The following RNPEP variants were observed in gnomAD, a reference collection of about 807,000 sequenced individuals.
RNPEP encodes aminopeptidase B.
RNPEP carries 57 observed loss-of-function variants against 70.1 expected under a neutral mutation model. The ratio of observed to expected loss-of-function variants is 0.81; its 90% CI spans 0.66 to 1.01. RNPEP has a LOEUF of 1.01. Ranked by LOEUF, RNPEP falls within the 50% of genes least tolerant of loss-of-function variation. The pLI is 0.00. For missense variants in RNPEP, 787 were observed against 852.4 expected, an observed-to-expected ratio of 0.92 and a Z score of 0.96; for synonymous variants, 335 against 357.4, an observed-to-expected ratio of 0.94 and a Z score of 0.71.
At position 202,005,615 on chromosome 1, in the gene RNPEP, G is replaced by A; in HGVS notation, c.1852G>A (p.Ala618Thr). 6.2e-7 allele frequency: 1 copy of A among 1,614,184 alleles called. No homozygotes were observed. The highest frequency in any genetic ancestry group is 1.1e-5 in the South Asian group (1 of 91,080). Residue 618 changes from alanine (A) to threonine (T), a missense_variant, in exon 11 of 11, where the codon GCC becomes ACC. Ala to Thr is a moderately conservative substitution (Grantham distance 58, BLOSUM62 0). Coordinates refer to ENST00000295640, the MANE Select transcript of RNPEP (RefSeq NM_020216.4). The stretch of plus-strand genomic sequence containing the variant: ...CGCAATGATGGGTGGCAGTGAGGTG[G>A]CCCAGACCCTCGCCAAGGAGACTTT... Reference protein sequence around the residue: ...YHAMMGGSEVAQTLAKETFAS... With the variant: ...YHAMMGGSEVTQTLAKETFAS...
intron 3 of RNPEP, among the ~76,000 whole-genome samples, chr1:201,990,871 A>C (rs533061048): frequency 6.6e-6 from 1 of 152,350 alleles, no homozygotes; most frequent in East Asian, 1.9e-4. Flanking sequence ...GTCGTTTCCA[A>C]GAATACCCTT....
At chr1:201,997,623 C>T in intron 5 of RNPEP, 69 bp downstream of exon 5, 5 of 1,218,456 alleles carry the variant, frequency 4.1e-6, no homozygotes, top group Non-Finnish European at 6.0e-6. Context: ...GTGTGATCTC[C>T]TTATGGGGTT....
intron 3 of RNPEP, 144 bp downstream of exon 3, chr1:201,989,675 GAGCAC>G: frequency 2.6e-6 from 2 of 769,384 alleles, no homozygotes; most frequent in Non-Finnish European, 4.2e-6. Context: ...CATGCAGCAT[GAGCAC>G]AGCTGGAGGA....
chr1:201,987,726 C>T (rs2102963200), intron 1 of RNPEP, among the ~76,000 whole-genome samples: 1 of 152,168 alleles, frequency 6.6e-6, no homozygotes, highest in South Asian at 2.1e-4. Context: ...GCGTGAGCCA[C>T]TGCACCCAAC....
intron 1 of RNPEP, chr1:201,983,627 T>A (rs4950807): frequency 0.59 from 719,811 of 1,215,002 alleles, 214,551 homozygotes; most frequent in Non-Finnish European, 0.6. Flanking sequence ...GTTAAAGCTC[T>A]TATCTTTGTT....
chr1:201,987,418 T>G (rs1421815724), intron 1 of RNPEP, among the ~76,000 whole-genome samples: 1 of 146,556 alleles, frequency 6.8e-6, no homozygotes, highest in Non-Finnish European at 1.5e-5. Flanking sequence ...GATAAATCAT[T>G]CAGATTTTAC....
chr1:201,990,861 G>A (rs1335239483), intron 3 of RNPEP, among the ~76,000 whole-genome samples: 1 of 152,170 alleles, frequency 6.6e-6, no homozygotes, highest in Non-Finnish European at 1.5e-5. Context: ...GTAAAGGAAC[G>A]TCGTTTCCAA....
Position 201,995,994 on chromosome 1 carries a change from T to C in RNPEP, c.738-153T>C, listed in dbSNP as rs180729673. The stretch of plus-strand genomic sequence containing the variant: ...GGTGTGGTGAGCGGTCTCTTGGATC[T>C]GTGTGGTGATCCGATCTTGCACTCC... On this transcript the variant is annotated intron_variant, in intron 3 of 10. Transcript: ENST00000295640. The C allele has an allele frequency of 8.1e-6, 5 of 619,508 alleles. No homozygotes were observed. The East Asian group carries it at 1.1e-4, about 14-fold the overall frequency. The allele number at this position is 619,508 out of a possible 1,614,324, so 38.4% of individuals were successfully genotyped here.
At chr1:202,004,882 A>G (rs1292458246) in intron 10 of RNPEP, among the ~76,000 whole-genome samples, 1 of 152,242 alleles carries the variant, frequency 6.6e-6, no homozygotes. Context: ...TGACTTGGGC[A>G]TGATCGGGAC....
At chr1:202,005,134 TTTGACCTGTGGG>T (rs763086634) in intron 10 of RNPEP, among the ~76,000 whole-genome samples, 50 of 152,342 alleles carry the variant, frequency 3.3e-4, no homozygotes, top group Non-Finnish European at 5.6e-4. Context: ...TTTGTGTGAA[TTTGACCTGTGGG>T]TTGACCTGTG....
rs952809290 is a variant in RNPEP, at chr1:201,997,550, CTT to C, written c.1088_1089del (p.Phe363TrpfsTer37). ...CCCAGAGGAGGATCTCCACCATCCT[CTT>C]TGGTAAAGTGCCCACCCCTCTCCTA... ...YAQRRISTIL[F>X]GAAYTCLEAA... On this transcript the variant is annotated frameshift_variant and splice_region_variant, in exon 5 of 11. Transcript: ENST00000295640. LOFTEE classifies it high-confidence loss of function. The C allele has an allele frequency of 6.2e-7, 1 of 1,612,278 alleles. No individual in the cohort carries two copies. The highest frequency in any genetic ancestry group is 8.5e-7 in the Non-Finnish European group (1 of 1,178,386).
intron 1 of RNPEP, among the ~76,000 whole-genome samples, chr1:201,984,226 C>T (rs1348411868): frequency 6.6e-6 from 1 of 152,222 alleles, no homozygotes; most frequent in Admixed American, 6.5e-5. Flanking sequence ...AGCCACTGCG[C>T]CCGGCCCACA....
At chr1:201,998,737 G>T (rs1438603391) in intron 5 of RNPEP, among the ~76,000 whole-genome samples, 1 of 152,194 alleles carries the variant, frequency 6.6e-6, no homozygotes, top group Admixed American at 6.5e-5. Context: ...CTGAGGCTGA[G>T]AGAGGCTAAG....
At chr1:201,984,507 C>G in intron 1 of RNPEP, among the ~76,000 whole-genome samples, 1 of 152,068 alleles carries the variant, frequency 6.6e-6, no homozygotes, top group Non-Finnish European at 1.5e-5. Context: ...TAAGCGGTTC[C>G]CAGGTTGAGT....
rs1461589084 is a variant in RNPEP, at chr1:201,982,960, C to T, written c.294C>T (p.Pro98=). Residue 98 remains proline (P), a synonymous_variant, in exon 1 of 11, where the codon CCC becomes CCT. Coordinates refer to ENST00000295640, the MANE Select transcript of RNPEP (RefSeq NM_020216.4). The stretch of plus-strand genomic sequence containing the variant: ...CGGCGGCGCTGCGGCGGGAGCGGCC[C>T]GGCTCGGAGGAGCCGCCTGCGGAGC... ...VTAAALRRER[P]GSEEPPAEPV... The T allele has an allele frequency of 4.7e-6, 7 of 1,498,708 alleles. No homozygotes were observed. The Admixed American group carries it at 1.1e-4, about 24-fold the overall frequency. 92.8% of individuals were successfully genotyped at this position (1,498,708 alleles called of 1,614,324 possible).
At position 201,983,020 on chromosome 1, in the gene RNPEP, T is replaced by G; in HGVS notation, c.354T>G (p.Tyr118Ter). 1 of 1,524,790 alleles carries G rather than the reference T, an allele frequency of 6.6e-7. No homozygotes were observed. The highest frequency in any genetic ancestry group is 1.2e-5 in the South Asian group (1 of 81,890). The allele number at this position is 1,524,790 out of a possible 1,614,324, so 94.5% of individuals were successfully genotyped here. A position where few individuals can be genotyped will look rare whatever the true frequency, so the allele number is the denominator to read the frequency against. The stretch of plus-strand genomic sequence containing the variant: ...TCTACACGCAGCCCTTCTCGCACTA[T>G]GGCCAGGCCCTGTGCGTGTCCTTCC... ...VSFYTQPFSH[Y>*]GQALCVSFPQ... Residue 118 changes from tyrosine to a stop codon, truncating the protein, a stop_gained, in exon 1 of 11, where the codon TAT (tyrosine) becomes TAG (stop). Coordinates refer to ENST00000295640, the MANE Select transcript of RNPEP (RefSeq NM_020216.4). LOFTEE classifies it high-confidence loss of function.
intron 1 of RNPEP, among the ~76,000 whole-genome samples, chr1:201,987,903 A>G (rs6656347): frequency 0.58 from 87,855 of 151,194 alleles, 25,614 homozygotes; most frequent in Non-Finnish European, 0.6. Context: ...CACTTTGGGA[A>G]GCTGAGGCGG....
At chr1:201,986,538 T>TTCTTTC (rs772282455) in intron 1 of RNPEP, among the ~76,000 whole-genome samples, 3 of 92,858 alleles carry the variant, frequency 3.2e-5, no homozygotes, top group Non-Finnish European at 7.5e-5. Context: ...TTTTCTTTCT[T>TTCTTTC]TTTTTTTTTT....
intron 3 of RNPEP, among the ~76,000 whole-genome samples, chr1:201,994,721 C>T (rs1243497013): frequency 6.7e-6 from 1 of 149,232 alleles, no homozygotes; most frequent in Non-Finnish European, 1.5e-5. Flanking sequence ...GGCTGGAGTG[C>T]GATGGTGCAA....
Sources: gnomAD v4.1 joint callset for allele counts (sites outside exome capture counted in the v4.1 genomes callset) on GRCh38, gnomAD v4.1.1 for gene constraint, MANE v1.5 for transcripts, NCBI Gene and HGNC (gene_info 2026-07-23, HGNC 2026-07-21) for gene names.